Variants in ANKRD36C observed in about 807,000 individuals in gnomAD.
The protein encoded by ANKRD36C is ankyrin repeat domain-containing protein 36C.
Under a neutral mutation model 276.4 loss-of-function variants are expected in ANKRD36C, and 61 were observed. That is an observed-to-expected ratio of 0.22 (90% confidence interval 0.18 to 0.27). The LOEUF (loss-of-function observed/expected upper bound fraction) is 0.27. ANKRD36C is among the 10% of genes least tolerant of loss of function. The pLI is 1.00. For missense variants in ANKRD36C, 1,447 were observed against 2,032.3 expected (o/e 0.71, Z 5.54); for synonymous variants, 483 against 680.1 (o/e 0.71, Z 4.51).
intron 64 of ANKRD36C, 199 bp from the exon 85 acceptor site, chr2:95,852,395 C>A: frequency 1.8e-6 from 1 of 557,386 alleles, no homozygotes; most frequent in Non-Finnish European, 3.2e-6. Context: ...TACACCCCTT[C>A]AGTCTGCATA....
At chr2:95,987,252 A>C in intron 1 of ANKRD36C, 46 bp from the exon 2 acceptor site, 3 of 1,498,898 alleles carry the variant, frequency 2.0e-6, no homozygotes. Flanking sequence ...TGTAAGCATT[A>C]ATTAGCATGT....
intron 32 of ANKRD36C, among the ~76,000 whole-genome samples, chr2:95,923,187 C>G (rs562474664): frequency 6.6e-6 from 1 of 151,626 alleles, no homozygotes; most frequent in South Asian, 2.1e-4. Flanking sequence ...CTCCTTCCAC[C>G]CTTGGTGAAA....
intron 6 of ANKRD36C, among the ~76,000 whole-genome samples, chr2:95,967,518 G>A (rs1678616801): frequency 2.0e-5 from 3 of 152,154 alleles, no homozygotes; most frequent in African/African-American, 4.8e-5. Context: ...GGAGAAATAC[G>A]AATGCTTTTA....
chr2:95,884,516 C>T, intron 52 of ANKRD36C, 148 bp from the exon 73 acceptor site: 3 of 1,381,640 alleles, frequency 2.2e-6, no homozygotes, highest in South Asian at 1.2e-5. Flanking sequence ...GGGATTGGAA[C>T]ATGACAGAAA....
intron 42 of ANKRD36C, 133 bp downstream of exon 48, chr2:95,908,369 T>C (rs1449783836): frequency 1.5e-5 from 11 of 739,048 alleles, no homozygotes; most frequent in Non-Finnish European, 5.0e-6. Flanking sequence ...CAAGAACTTA[T>C]TTGAAATGAA....
In ANKRD36C at chr2:95,954,012, A is replaced by G; in HGVS notation, c.1137-7T>C. On this transcript the variant is annotated splice_polypyrimidine_tract_variant and splice_region_variant and intron_variant, in intron 13 of 66. Coordinates refer to ENST00000456556, the Ensembl canonical transcript of ANKRD36C. ...ATCCGGTCTGTAGAGACTCCTACAG[A>G]GCAAAAAGATACAGCAAAAATGAGC... 1 of 1,534,886 alleles carries G rather than the reference A, an allele frequency of 6.5e-7. No individual in the cohort carries two copies. Among genetic ancestry groups the G allele is most frequent in the South Asian group, 1.2e-5 (1 of 83,768 alleles).
chr2:95,927,573 T>C (rs1677442161), intron 26 of ANKRD36C, among the ~76,000 whole-genome samples, 164 bp from the exon 27 acceptor site: 1 of 151,418 alleles, frequency 6.6e-6, no homozygotes. Flanking sequence ...AGAAATACAC[T>C]GAAAAAAAAG....
intron 24 of ANKRD36C, among the ~76,000 whole-genome samples, chr2:95,929,475 C>T (rs1164792723): frequency 6.6e-6 from 1 of 151,396 alleles, no homozygotes; most frequent in South Asian, 2.1e-4. Context: ...GAAATATACA[C>T]TGACAATTTC....
intron 14 of ANKRD36C, 91 bp from the exon 15 acceptor site, chr2:95,951,499 A>T: frequency 2.1e-6 from 2 of 970,806 alleles, no homozygotes; most frequent in South Asian, 1.5e-5. Context: ...TAACAGGAAA[A>T]GTATGGACAT....
chr2:95,876,073 T>C (rs1391804792), intron 59 of ANKRD36C: 6 of 354,506 alleles, frequency 1.7e-5, no homozygotes, highest in Admixed American at 3.6e-5. Flanking sequence ...AATTACTCCT[T>C]TAATCTGAAT....
At chr2:95,979,715 A>G (rs1678878683) in intron 5 of ANKRD36C, among the ~76,000 whole-genome samples, 1 of 152,020 alleles carries the variant, frequency 6.6e-6, no homozygotes, top group Non-Finnish European at 1.5e-5. Context: ...TCTTTCTACA[A>G]CATTATTTGA....
chr2:95,973,331 G>GGAGGCAGGAGAAGCGCTTT (rs1678736262), intron 6 of ANKRD36C, among the ~76,000 whole-genome samples: 1 of 151,358 alleles, frequency 6.6e-6, no homozygotes, highest in African/African-American at 2.4e-5. Context: ...AGAAGCGCTT[G>GGAGGCAGGAGAAGCGCTTT]AACCCAGGAG....
In ANKRD36C at chr2:95,912,185, G is replaced by T. The variant is rs1236989116; in HGVS notation, c.2653+59C>A. The T allele has an allele frequency of 1.6e-5, 24 of 1,536,122 alleles. 1 individual carries two copies. The South Asian group carries it at 2.4e-4, about 15-fold the overall frequency. On this transcript the variant is annotated intron_variant, in intron 42 of 66. Transcript: ENST00000456556. Reference sequence around the variant, plus strand: ...CGACCAGCCCCCCACTGATTTATTCGGGGAAGAGAACTTCTTATCTGGACT... The same window carrying T: ...CGACCAGCCCCCCACTGATTTATTCTGGGAAGAGAACTTCTTATCTGGACT...
chr2:95,982,347 G>A, exon 4 of ANKRD36C: 1 of 1,544,844 alleles, frequency 6.5e-7, no homozygotes. Context: ...GCAAGGAACA[G>A]TGGCGGATAT....
intron 46 of ANKRD36C, among the ~76,000 whole-genome samples, chr2:95,890,273 A>G (rs530756179): frequency 1.1e-4 from 17 of 151,686 alleles, no homozygotes; most frequent in African/African-American, 3.4e-4. Context: ...CGATATGCCG[A>G]GTGATGAGGA....
In ANKRD36C at chr2:95,958,382, A is replaced by G. The variant is rs566226737; in HGVS notation, c.1105+209T>C. Among the ~76,000 whole-genome samples the G allele has an allele frequency of 1.6e-3, 240 of 152,118 alleles. 1 individual carries two copies. The highest frequency in any genetic ancestry group is 5.0e-3 in the African/African-American group (206 of 41,564). Reference sequence around the variant, plus strand: ...CCAATGGTTCTTCTTCCCAATTTCAATGTAGGGAAGTCTATAATCTTACTA... The same window carrying G: ...CCAATGGTTCTTCTTCCCAATTTCAGTGTAGGGAAGTCTATAATCTTACTA... On this transcript the variant is annotated intron_variant, in intron 12 of 66. Transcript: ENST00000456556.
At chr2:95,969,922 T>C (rs1476633801) in intron 6 of ANKRD36C, among the ~76,000 whole-genome samples, 2 of 151,718 alleles carry the variant, frequency 1.3e-5, no homozygotes, top group African/African-American at 4.8e-5. Flanking sequence ...TAGATATATA[T>C]ATATTTTTAT....
At chr2:95,861,467 G>A (rs1240477001) in intron 60 of ANKRD36C, among the ~76,000 whole-genome samples, 6 of 150,726 alleles carry the variant, frequency 4.0e-5, no homozygotes, top group Non-Finnish European at 8.8e-5. Context: ...GGAAGTGTCT[G>A]GGACAGAAAA....
intron 36 of ANKRD36C, 91 bp downstream of exon 38, chr2:95,917,764 C>A: frequency 1.4e-6 from 2 of 1,478,294 alleles, no homozygotes; most frequent in East Asian, 2.5e-5. Context: ...TTGGCGAGCA[C>A]CCCCAACCGC....
Sources: gnomAD v4.1 joint callset for allele counts (sites outside exome capture counted in the v4.1 genomes callset) on GRCh38, gnomAD v4.1.1 for gene constraint, MANE v1.5 for transcripts, NCBI Gene and HGNC (gene_info 2026-07-23, HGNC 2026-07-21) for gene names.